The following RASSF3 variants were observed in gnomAD, a reference collection of about 807,000 sequenced individuals.
The protein encoded by RASSF3 is ras association domain-containing protein 3.
Under a neutral mutation model 19.9 loss-of-function variants are expected in RASSF3, and 19 were observed. The observed-to-expected ratio is 0.96, with a 90% CI of 0.67 to 1.40. The LOEUF is 1.40. RASSF3 is among the 40% of genes most tolerant of loss of function. The pLI is 0.00. For synonymous variants in RASSF3, 110 were observed against 104.2 expected (o/e 1.06, Z -0.34); for missense variants, 306 against 289.8 (o/e 1.06, Z -0.41).
intron 1 of RASSF3, chr12:64,533,489 T>G (rs1038788196): frequency 3.9e-5 from 6 of 152,224 alleles, no homozygotes; most frequent in Non-Finnish European, 4.4e-5. Flanking sequence ...GCCCGCTGTT[T>G]TGGTTTCTTG....
At chr12:64,542,707 T>C (rs970135445), downstream of RASSF3, among the ~76,000 whole-genome samples, 2 of 152,214 alleles carry the variant, frequency 1.3e-5, no homozygotes. Flanking sequence ...CTGAGCAACA[T>C]GGCAAAACCT....
At chr12:64,669,840 A>G (rs912681035) in intron 1 of RASSF3, among the ~76,000 whole-genome samples, 2 of 150,884 alleles carry the variant, frequency 1.3e-5, no homozygotes, top group Non-Finnish European at 2.9e-5. Context: ...CTCAGGTTAT[A>G]CAAGCAGCAC....
At chr12:64,634,967 C>CTTTTTTTTTT (rs139897110) in intron 1 of RASSF3, among the ~76,000 whole-genome samples, 2 of 128,130 alleles carry the variant, frequency 1.6e-5, no homozygotes, top group African/African-American at 5.8e-5. Flanking sequence ...CTTTTCTTTT[C>CTTTTTTTTTT]TTTTTTTTTT....
intron 1 of RASSF3, among the ~76,000 whole-genome samples, chr12:64,642,575 AAAAAAAAAAAAAAG>A (rs1871578251): frequency 6.7e-6 from 1 of 148,402 alleles, no homozygotes; most frequent in African/African-American, 2.5e-5. Flanking sequence ...AAAAAAAAAA[AAAAAAAAAAAAAAG>A]ATTCATCAAA....
chr12:64,543,058 A>G (rs1163050231), downstream of RASSF3, among the ~76,000 whole-genome samples: 5 of 42,810 alleles, frequency 1.2e-4, 1 homozygote, highest in South Asian at 2.8e-3. Context: ...CCGCACTTGG[A>G]GTGGCGGGCC....
At chr12:64,587,847 C>T (rs1869841037) in intron 2 of RASSF3, among the ~76,000 whole-genome samples, 1 of 152,154 alleles carries the variant, frequency 6.6e-6, no homozygotes, top group Non-Finnish European at 1.5e-5. Flanking sequence ...TACTGCAACA[C>T]AGACAATGAT....
chr12:64,587,547 A>C (rs1272889513), intron 2 of RASSF3, among the ~76,000 whole-genome samples: 3 of 152,210 alleles, frequency 2.0e-5, no homozygotes, highest in African/African-American at 7.2e-5. Flanking sequence ...CATTTAATTT[A>C]AAAGACCTTG....
chr12:64,536,251 C>T (rs761829885), intron 1 of RASSF3, among the ~76,000 whole-genome samples: 1 of 151,790 alleles, frequency 6.6e-6, no homozygotes, highest in Non-Finnish European at 1.5e-5. Flanking sequence ...ACCTCGTGAT[C>T]TGCCCGCCTC....
At chr12:64,581,184 T>C (rs1869690071) in intron 2 of RASSF3, among the ~76,000 whole-genome samples, 1 of 152,126 alleles carries the variant, frequency 6.6e-6, no homozygotes, top group Non-Finnish European at 1.5e-5. Context: ...CTTCATTTCT[T>C]TTGGTAATAA....
At chr12:64,651,140 A>G (rs1269285976) in intron 1 of RASSF3, among the ~76,000 whole-genome samples, 2 of 152,208 alleles carry the variant, frequency 1.3e-5, no homozygotes, top group African/African-American at 4.8e-5. Context: ...AGACACATCT[A>G]GTAATAGAAA....
At chr12:64,682,387 C>T (rs1452269634) in intron 1 of RASSF3, among the ~76,000 whole-genome samples, 3 of 151,844 alleles carry the variant, frequency 2.0e-5, no homozygotes, top group Admixed American at 1.3e-4. Flanking sequence ...CTGGCTAATA[C>T]GGTGAAACCC....
chr12:64,543,424 TCCCCG>T (rs1868979795), downstream of RASSF3, among the ~76,000 whole-genome samples: 6 of 22,372 alleles, frequency 2.7e-4, no homozygotes, highest in Admixed American at 5.0e-4. Flanking sequence ...GCCCCCCGGC[TCCCCG>T]CCCGCCCCCC....
chr12:64,605,845 A>T (rs1209218248), upstream of RASSF3, among the ~76,000 whole-genome samples: 1 of 144,162 alleles, frequency 6.9e-6, no homozygotes, highest in African/African-American at 2.6e-5. Flanking sequence ...CCGAGATTGC[A>T]CCATTGCACT....
chr12:64,620,325 T>C (rs1870709087), intron 1 of RASSF3, among the ~76,000 whole-genome samples: 1 of 152,176 alleles, frequency 6.6e-6, no homozygotes, highest in African/African-American at 2.4e-5. Context: ...ATATCACTTT[T>C]TGTTTATCCA....
At chr12:64,691,351 G>A (rs367798949) in intron 3 of RASSF3, 119 bp from the exon 4 acceptor site, 15 of 685,594 alleles carry the variant, frequency 2.2e-5, no homozygotes, top group East Asian at 1.6e-4. Flanking sequence ...GCCGACTGGC[G>A]ACTTAGAGGC....
intron 1 of RASSF3, among the ~76,000 whole-genome samples, chr12:64,666,702 G>T (rs1463822786): frequency 6.6e-6 from 1 of 152,096 alleles, no homozygotes; most frequent in African/African-American, 2.4e-5. Context: ...CCTTGGCAGT[G>T]CTCCCTTCCT....
At chr12:64,606,501 C>T (rs1870195135), upstream of RASSF3, among the ~76,000 whole-genome samples, 1 of 152,172 alleles carries the variant, frequency 6.6e-6, no homozygotes, top group African/African-American at 2.4e-5. Flanking sequence ...ACATTGTCAT[C>T]CCCATTTTGC....
At chr12:64,562,968 A>T (rs1046194428) in intron 2 of RASSF3, among the ~76,000 whole-genome samples, 3 of 151,792 alleles carry the variant, frequency 2.0e-5, no homozygotes, top group Non-Finnish European at 4.4e-5. Context: ...CCAATCCATG[A>T]GCAAATTCAA....
At chr12:64,551,211 G>A (rs568063037) in intron 2 of RASSF3, among the ~76,000 whole-genome samples, 83 of 152,302 alleles carry the variant, frequency 5.4e-4, no homozygotes, top group African/African-American at 1.8e-3. Flanking sequence ...GTATACAGCC[G>A]CATATTTGCT....
Sources: gnomAD v4.1 joint callset for allele counts (sites outside exome capture counted in the v4.1 genomes callset) on GRCh38, gnomAD v4.1.1 for gene constraint, MANE v1.5 for transcripts, NCBI Gene and HGNC (gene_info 2026-07-23, HGNC 2026-07-21) for gene names.